Variants in B3GLCT observed in about 807,000 individuals in gnomAD.
B3GLCT encodes the protein beta-1,3-glucosyltransferase.
B3GLCT carries 65 observed loss-of-function variants against 63.4 expected under a neutral mutation model. The ratio of observed to expected loss-of-function variants is 1.03; its 90% CI spans 0.84 to 1.26. The LOEUF (loss-of-function observed/expected upper bound fraction) is 1.26, where lower values mean the gene tolerates loss of function less well. B3GLCT is among the 50% of genes most tolerant of loss of function. The pLI is 0.00. For missense variants in B3GLCT, 577 were observed against 604.8 expected, an observed-to-expected ratio of 0.95 and a Z score of 0.48; for synonymous variants, 233 against 219.2, an observed-to-expected ratio of 1.06 and a Z score of -0.55.
chr13:31,248,764 G>A (rs182038032), intron 6 of B3GLCT, among the ~76,000 whole-genome samples: 1 of 152,186 alleles, frequency 6.6e-6, no homozygotes, highest in Non-Finnish European at 1.5e-5. Flanking sequence ...GATTTTGTTT[G>A]CCTTGAAATC....
chr13:31,324,617 ATCC>A (rs1422155013), intron 14 of B3GLCT, among the ~76,000 whole-genome samples: 1 of 152,196 alleles, frequency 6.6e-6, no homozygotes, highest in Non-Finnish European at 1.5e-5. Context: ...CCCATCTAAT[ATCC>A]TCCTCAAGAA....
chr13:31,290,330 G>T (rs1873592922), intron 12 of B3GLCT, among the ~76,000 whole-genome samples: 1 of 152,180 alleles, frequency 6.6e-6, no homozygotes, highest in Admixed American at 6.5e-5. Flanking sequence ...AAACATGTGT[G>T]CATGTGTCTT....
chr13:31,317,731 C>G (rs758338846), intron 13 of B3GLCT, 46 bp downstream of exon 13: 3 of 1,612,042 alleles, frequency 1.9e-6, no homozygotes, highest in Admixed American at 1.7e-5. Context: ...ACATAAACTT[C>G]CCTTTCCACA....
chr13:31,273,800 A>C (rs1016760828), intron 8 of B3GLCT, among the ~76,000 whole-genome samples: 39 of 152,222 alleles, frequency 2.6e-4, no homozygotes, highest in Non-Finnish European at 7.3e-5. Flanking sequence ...AGGTGGCACA[A>C]ATTAGGGAGG....
intron 12 of B3GLCT, among the ~76,000 whole-genome samples, chr13:31,309,348 A>G (rs1874576783): frequency 6.6e-6 from 1 of 152,160 alleles, no homozygotes; most frequent in Admixed American, 6.5e-5. Context: ...TCCCCAGCAA[A>G]CAAGCAGTCC....
chr13:31,232,373 A>G (rs537192854), intron 4 of B3GLCT, among the ~76,000 whole-genome samples: 1 of 152,328 alleles, frequency 6.6e-6, no homozygotes, highest in Non-Finnish European at 1.5e-5. Context: ...TCATGGCAGA[A>G]GGTGAAGAAG....
intron 1 of B3GLCT, among the ~76,000 whole-genome samples, chr13:31,206,293 C>G (rs539171117): frequency 1.5e-4 from 23 of 152,320 alleles, no homozygotes; most frequent in Non-Finnish European, 2.8e-4. Context: ...TTCCTGCGTT[C>G]CAGCTCCAGA....
At chr13:31,208,377 T>G (rs563478898) in intron 1 of B3GLCT, among the ~76,000 whole-genome samples, 1 of 152,256 alleles carries the variant, frequency 6.6e-6, no homozygotes, top group South Asian at 2.1e-4. Flanking sequence ...TCCGTTCTGG[T>G]GCGCTGTGGA....
intron 6 of B3GLCT, among the ~76,000 whole-genome samples, chr13:31,255,404 C>T (rs1356247835): frequency 1.3e-5 from 2 of 152,134 alleles, no homozygotes; most frequent in African/African-American, 4.8e-5. Context: ...TCAGTGCTAT[C>T]CTCATCAAGC....
intron 13 of B3GLCT, 114 bp from the exon 14 acceptor site, chr13:31,323,637 C>A: frequency 8.4e-7 from 1 of 1,193,902 alleles, no homozygotes; most frequent in Non-Finnish European, 1.2e-6. Context: ...CTAGAGAAAG[C>A]TACTATTGCC....
At chr13:31,287,445 A>G (rs575436378) in intron 12 of B3GLCT, among the ~76,000 whole-genome samples, 1 of 152,310 alleles carries the variant, frequency 6.6e-6, no homozygotes, top group South Asian at 2.1e-4. Context: ...GGGGATAGTT[A>G]ACCCTAGACT....
intron 1 of B3GLCT, among the ~76,000 whole-genome samples, chr13:31,214,032 G>C (rs537210419): frequency 5.3e-5 from 8 of 152,290 alleles, no homozygotes; most frequent in African/African-American, 1.9e-4. Context: ...GATGTCTGGG[G>C]GTGGGGATGG....
At chr13:31,266,490 C>G (rs1872330064) in intron 7 of B3GLCT, among the ~76,000 whole-genome samples, 1 of 152,144 alleles carries the variant, frequency 6.6e-6, no homozygotes, top group South Asian at 2.1e-4. Flanking sequence ...AACCTGTTAT[C>G]TTGCTTGGTG....
intron 3 of B3GLCT, among the ~76,000 whole-genome samples, chr13:31,223,840 G>A (rs1238515432): frequency 3.3e-5 from 5 of 152,152 alleles, no homozygotes; most frequent in African/African-American, 1.2e-4. Context: ...TGCGGTCCAT[G>A]GGAGAAGTCT....
intron 13 of B3GLCT, among the ~76,000 whole-genome samples, chr13:31,321,405 C>A (rs1362920785): frequency 1.3e-5 from 2 of 152,208 alleles, no homozygotes; most frequent in Admixed American, 1.3e-4. Context: ...AAAACCAATT[C>A]ATGGACCATG....
At chr13:31,281,936 C>A (rs1873089281) in intron 10 of B3GLCT, among the ~76,000 whole-genome samples, 1 of 152,190 alleles carries the variant, frequency 6.6e-6, no homozygotes, top group Admixed American at 6.5e-5. Flanking sequence ...GACACATCTT[C>A]TGCTTAGAGT....
chr13:31,266,122 C>T (rs1000674930), intron 7 of B3GLCT, among the ~76,000 whole-genome samples: 3 of 152,060 alleles, frequency 2.0e-5, no homozygotes, highest in Admixed American at 6.5e-5. Context: ...CTCAGCCTCC[C>T]GAGTAGCTGG....
intron 1 of B3GLCT, among the ~76,000 whole-genome samples, chr13:31,204,102 C>T (rs1272824398): frequency 2.6e-5 from 4 of 152,120 alleles, no homozygotes; most frequent in East Asian, 1.9e-4. Flanking sequence ...CAGAATGAAT[C>T]GTGTCTGTGC....
At chr13:31,324,063 A>G (rs1291227500) in intron 14 of B3GLCT, among the ~76,000 whole-genome samples, 168 bp downstream of exon 14, 1 of 152,218 alleles carries the variant, frequency 6.6e-6, no homozygotes, top group African/African-American at 2.4e-5. Flanking sequence ...TTTGATGTAC[A>G]CACTGTCTCA....
Sources: gnomAD v4.1 joint callset for allele counts (sites outside exome capture counted in the v4.1 genomes callset) on GRCh38, gnomAD v4.1.1 for gene constraint, MANE v1.5 for transcripts, NCBI Gene and HGNC (gene_info 2026-07-23, HGNC 2026-07-21) for gene names.